WDR17: variants seen among roughly 807,000 people sequenced by gnomAD.
WDR17 encodes the protein WD repeat domain 17, also known as WD repeat-containing protein 17.
WDR17 carries 143 observed loss-of-function variants against 161.7 expected under a neutral mutation model. The observed-to-expected ratio is 0.88, with a 90% confidence interval of 0.77 to 1.02. The LOEUF (loss-of-function observed/expected upper bound fraction) is 1.02. WDR17 is among the 50% of genes least tolerant of loss of function. WDR17 has a pLI of 0.00. For synonymous variants in WDR17, 517 were observed against 515.6 expected, an observed-to-expected ratio of 1.00 and a Z score of -0.04; for missense variants, 1,469 against 1,520.9, an observed-to-expected ratio of 0.97 and a Z score of 0.57.
At chr4:176,087,353 T>G (rs1242564606) in intron 1 of WDR17, among the ~76,000 whole-genome samples, 1 of 152,152 alleles carries the variant, frequency 6.6e-6, no homozygotes, top group Admixed American at 6.5e-5. Flanking sequence ...CACTTTAAAA[T>G]GTAATTTCTT....
intron 5 of WDR17, among the ~76,000 whole-genome samples, chr4:176,125,575 G>A (rs891072471): frequency 2.6e-5 from 4 of 151,950 alleles, no homozygotes; most frequent in Admixed American, 2.6e-4. Context: ...CACTCTGCCA[G>A]GTTTCTGGAA....
chr4:176,110,406 G>A (rs1174349980), intron 1 of WDR17, among the ~76,000 whole-genome samples: 1 of 152,170 alleles, frequency 6.6e-6, no homozygotes, highest in Admixed American at 6.5e-5. Flanking sequence ...GATTACAGGC[G>A]TGAGCCACCG....
intron 23 of WDR17, among the ~76,000 whole-genome samples, chr4:176,171,645 G>A (rs924370923): frequency 5.9e-5 from 9 of 152,164 alleles, no homozygotes; most frequent in South Asian, 2.1e-4. Context: ...AAACTTGAAC[G>A]TTTAAGCTTC....
At chr4:176,146,197 A>G in intron 12 of WDR17, 38 bp downstream of exon 12, 1 of 1,588,816 alleles carries the variant, frequency 6.3e-7, no homozygotes, top group South Asian at 1.1e-5. Context: ...AGTCCTTAAA[A>G]TCATAAGCTT....
chr4:176,069,820 C>T lies in WDR17; in HGVS notation c.-7+3741C>T, dbSNP rs541496225. Among the ~76,000 whole-genome samples the T allele has an allele frequency of 1.8e-3, 281 of 152,130 alleles. 1 individual carries two copies. The highest frequency in any genetic ancestry group is 3.4e-3 in the Middle Eastern group (1 of 294). On this transcript the variant is annotated intron_variant, in intron 1 of 28. Transcript: ENST00000508596. ...CGTGTTTAACATGCTATTAAAAAAA[C>T]CCTTCATTACAATACAAACAGCTCC...
chr4:176,129,999 A>G (rs565041899), intron 6 of WDR17, among the ~76,000 whole-genome samples: 3 of 152,140 alleles, frequency 2.0e-5, no homozygotes, highest in Non-Finnish European at 4.4e-5. Context: ...GCCCATGTCC[A>G]TTAGACAAAG....
chr4:176,096,706 G>A (rs1043170261), intron 1 of WDR17: 30 of 669,608 alleles, frequency 4.5e-5, no homozygotes, highest in Admixed American at 2.6e-4. Flanking sequence ...AGTTCTGAGC[G>A]TGAATAAGAC....
intron 26 of WDR17, 82 bp downstream of exon 26, chr4:176,174,800 A>C: frequency 1.3e-6 from 1 of 769,324 alleles, no homozygotes. Flanking sequence ...GATTATACAA[A>C]GTATCAAATA....
chr4:176,145,858 A>T, intron 11 of WDR17, 137 bp from the exon 12 acceptor site: 1 of 662,482 alleles, frequency 1.5e-6, no homozygotes, highest in Non-Finnish European at 2.4e-6. Flanking sequence ...ACGATTTTTT[A>T]CATATGTAAG....
rs1413810803 is a variant in WDR17 at position 176,181,513 on chromosome 4, T to C, written c.*1934T>C. On this transcript the variant is annotated 3_prime_UTR_variant, in exon 29 of 29. Transcript: ENST00000508596. ...ATAATTAATATTATAGAAGAGAATA[T>C]ACACAACTCAGAGATGCAATGGATA... 8.9e-6 allele frequency: 2 copies of C among 224,698 alleles called. No individual in the cohort carries two copies. Among genetic ancestry groups the C allele is most frequent in the Non-Finnish European group, 1.8e-5 (2 of 114,156 alleles). 13.9% of individuals were successfully genotyped at this position (224,698 alleles called of 1,614,324 possible). A position where few individuals can be genotyped will look rare whatever the true frequency, so the allele number is the denominator to read the frequency against.
At chr4:176,112,038 G>C (rs1005307931) in intron 2 of WDR17, among the ~76,000 whole-genome samples, 1 of 152,008 alleles carries the variant, frequency 6.6e-6, no homozygotes, top group Non-Finnish European at 1.5e-5. Flanking sequence ...TATGTTTTTC[G>C]TGTCCTAGCT....
At chr4:176,170,258 T>G (rs1342599579) in intron 23 of WDR17, among the ~76,000 whole-genome samples, 1 of 152,034 alleles carries the variant, frequency 6.6e-6, no homozygotes, top group Non-Finnish European at 1.5e-5. Context: ...ATGTACTATT[T>G]TTTTATTCCT....
intron 1 of WDR17, among the ~76,000 whole-genome samples, chr4:176,079,310 T>A (rs750314636): frequency 3.3e-5 from 5 of 152,174 alleles, no homozygotes; most frequent in Admixed American, 6.6e-5. Context: ...TTGGCTATAG[T>A]GCTGCAGTGC....
intron 1 of WDR17, among the ~76,000 whole-genome samples, chr4:176,104,445 A>G (rs1450503329): frequency 2.0e-5 from 3 of 152,226 alleles, no homozygotes; most frequent in South Asian, 4.1e-4. Context: ...AATTCTTAGT[A>G]TACAAGTAGT....
chr4:176,091,339 G>C (rs902958022), intron 1 of WDR17, among the ~76,000 whole-genome samples: 1 of 152,080 alleles, frequency 6.6e-6, no homozygotes, highest in African/African-American at 2.4e-5. Flanking sequence ...TTAGTAACAA[G>C]AGAAACTTTG....
chr4:176,132,906 C>G (rs909607668), intron 7 of WDR17, among the ~76,000 whole-genome samples: 8 of 151,310 alleles, frequency 5.3e-5, no homozygotes, highest in South Asian at 2.1e-4. Context: ...TTCACTAGAC[C>G]AACCAGAATG....
rs752614646 is a variant in WDR17 at position 176,160,096 on chromosome 4, T to A, written c.2628T>A (p.Gly876=). ...KKLVHFFMSR[G]QLKEALLVAQ... is the part of the protein sequence containing the mutation. ...TAGTCCATTTTTTCATGTCAAGAGG[T>A]CAGCTTAAAGAAGCTCTGCTTGTTG... is the stretch of plus-strand genomic sequence containing the variant. The change falls in exon 19 of 29, where the codon GGT becomes GGA. Residue 876 remains glycine (G), a synonymous_variant. Coordinates refer to ENST00000508596, the MANE Select transcript of WDR17 (RefSeq NM_181265.4). 9.3e-6 allele frequency: 15 copies of A among 1,613,882 alleles called. 1 individual carries two copies. The South Asian group carries it at 1.3e-4, about 14-fold the overall frequency.
intron 18 of WDR17, among the ~76,000 whole-genome samples, chr4:176,159,674 C>A (rs181407785): frequency 1.2e-4 from 18 of 152,268 alleles, no homozygotes; most frequent in African/African-American, 3.9e-4. Context: ...TCCTATCACA[C>A]GTACCTTGTA....
At chr4:176,138,828 AT>A (rs1237859693) in intron 9 of WDR17, among the ~76,000 whole-genome samples, 1 of 151,872 alleles carries the variant, frequency 6.6e-6, no homozygotes, top group Non-Finnish European at 1.5e-5. Flanking sequence ...CTTTCCCAAC[AT>A]TCACTAGCGA....
Sources: allele counts gnomAD v4.1 joint callset (sites outside exome capture counted in the v4.1 genomes callset), GRCh38; gene constraint gnomAD v4.1.1; transcripts MANE v1.5; gene names NCBI Gene and HGNC (gene_info 2026-07-23, HGNC 2026-07-21).